Variants in MICAL2 observed in about 807,000 individuals in gnomAD.
MICAL2 encodes the protein microtubule associated monooxygenase, calponin and LIM domain containing 2.
In MICAL2, 77 loss-of-function variants were observed where a neutral mutation model predicts 127.3. That is an observed-to-expected ratio of 0.60 (90% confidence interval 0.50 to 0.73). The LOEUF (loss-of-function observed/expected upper bound fraction) is 0.73, where lower values mean the gene tolerates loss of function less well. Among genes scored for constraint, MICAL2 ranks in the 30% least tolerant of loss-of-function variants. MICAL2 has a pLI of 0.00. For synonymous variants in MICAL2, 570 were observed against 551.1 expected, an observed-to-expected ratio of 1.03 and a Z score of -0.48; for missense variants, 1,351 against 1,434.4, an observed-to-expected ratio of 0.94 and a Z score of 0.94.
upstream of MICAL2, chr11:12,276,069 C>T: frequency 5.0e-6 from 2 of 399,216 alleles, no homozygotes; most frequent in Non-Finnish European, 4.4e-6. Context: ...CTCTCCCCTG[C>T]CCTCCGAGTG....
In MICAL2 at chr11:12,287,273, G is replaced by A. The variant is rs906591536; in HGVS notation, c.*50G>A. ...CCTTACATGGTATCTCTCTGGCATG[G>A]CCTCCTGGTTGTCAGAGGCAAGAAA... On this transcript the variant is annotated 3_prime_UTR_variant, in exon 3 of 3. Coordinates refer to the MICAL2 transcript ENST00000529028. 3 of 396,626 alleles carry A rather than the reference G, an allele frequency of 7.6e-6. No homozygotes were observed. In the South Asian group the frequency reaches 4.0e-4, roughly 53 times the overall value. 24.6% of individuals were successfully genotyped at this position (396,626 alleles called of 1,614,324 possible).
At chr11:12,142,505 T>C (rs953982260) in intron 2 of MICAL2, among the ~76,000 whole-genome samples, 5 of 152,194 alleles carry the variant, frequency 3.3e-5, no homozygotes, top group African/African-American at 1.2e-4. Flanking sequence ...AGGGCATGGA[T>C]TACACTGTTG....
At chr11:12,341,017 A>G (rs1437897737) in intron 32 of MICAL2, among the ~76,000 whole-genome samples, 2 of 152,294 alleles carry the variant, frequency 1.3e-5, no homozygotes, top group Middle Eastern at 3.4e-3. Flanking sequence ...CTGGATTATC[A>G]TCATTCTGTG....
exon 32 of MICAL2, chr11:12,327,181 G>A (rs1363547943): frequency 6.4e-7 from 1 of 1,551,748 alleles, no homozygotes; most frequent in Non-Finnish European, 8.7e-7. Flanking sequence ...AGGCCATCCA[G>A]AGGCAGCTGG....
intron 24 of MICAL2, among the ~76,000 whole-genome samples, chr11:12,270,742 G>A (rs1287424439): frequency 1.3e-5 from 2 of 152,292 alleles, no homozygotes; most frequent in East Asian, 1.9e-4. Context: ...GCCAGAGATG[G>A]CTCTGGCCAT....
At chr11:12,346,110 C>T (rs967866706) in intron 32 of MICAL2, among the ~76,000 whole-genome samples, 4 of 152,202 alleles carry the variant, frequency 2.6e-5, no homozygotes, top group Non-Finnish European at 5.9e-5. Context: ...ACTTAAAGTA[C>T]ACAGCCCTGC....
intron 2 of MICAL2, among the ~76,000 whole-genome samples, chr11:12,141,819 TAGC>T (rs1196954685): frequency 6.6e-6 from 1 of 152,182 alleles, no homozygotes; most frequent in African/African-American, 2.4e-5. Context: ...ATAAAGGGAA[TAGC>T]ATTGGTAGAA....
chr11:12,186,338 T>C (rs932285676), intron 3 of MICAL2, among the ~76,000 whole-genome samples: 4 of 152,156 alleles, frequency 2.6e-5, no homozygotes, highest in African/African-American at 4.8e-5. Context: ...CCTTAGACCC[T>C]TTAAAAGTAG....
chr11:12,292,392 A>T (rs1863917084), downstream of MICAL2: 6 of 1,399,572 alleles, frequency 4.3e-6, no homozygotes, highest in Admixed American at 9.0e-5. Context: ...CCACGTGCTC[A>T]TAGGTCAACC....
At chr11:12,306,854 A>G (rs770979312) in intron 29 of MICAL2, among the ~76,000 whole-genome samples, 2 of 152,172 alleles carry the variant, frequency 1.3e-5, no homozygotes, top group African/African-American at 4.8e-5. Context: ...TTGTTTATCC[A>G]TTTACCAGTT....
At chr11:12,360,111 T>A (rs1939185427), downstream of MICAL2, among the ~76,000 whole-genome samples, 4 of 17,358 alleles carry the variant, frequency 2.3e-4, no homozygotes. Context: ...TTCCTTCCTT[T>A]TTTTTTTTAA....
chr11:12,251,439 C>G (rs1861533787), intron 22 of MICAL2, among the ~76,000 whole-genome samples: 1 of 151,966 alleles, frequency 6.6e-6, no homozygotes, highest in African/African-American at 2.4e-5. Context: ...GACAAGTTCT[C>G]CATCACCTTA....
intron 30 of MICAL2, among the ~76,000 whole-genome samples, chr11:12,322,876 T>C (rs1864314864): frequency 6.6e-6 from 1 of 152,236 alleles, no homozygotes; most frequent in African/African-American, 2.4e-5. Context: ...TTTCAGGTAT[T>C]CTACAAAAGG....
intron 1 of MICAL2, among the ~76,000 whole-genome samples, chr11:12,124,214 G>A (rs1850729164): frequency 6.6e-6 from 1 of 152,108 alleles, no homozygotes; most frequent in South Asian, 2.1e-4. Flanking sequence ...ATTTAAGTAT[G>A]CCTTCCACAG....
At chr11:12,201,677 A>G (rs1379131508) in intron 3 of MICAL2, among the ~76,000 whole-genome samples, 1 of 152,186 alleles carries the variant, frequency 6.6e-6, no homozygotes, top group Non-Finnish European at 1.5e-5. Flanking sequence ...ATCCTAGGTC[A>G]TTGTGGGGAA....
chr11:12,325,696 T>C (rs1013873691), intron 31 of MICAL2, among the ~76,000 whole-genome samples: 1 of 152,114 alleles, frequency 6.6e-6, no homozygotes, highest in Admixed American at 6.5e-5. Flanking sequence ...ATCAGCTGCA[T>C]TGGATTAGGG....
At chr11:12,293,250 G>A (rs531948870), downstream of MICAL2, among the ~76,000 whole-genome samples, 2 of 152,200 alleles carry the variant, frequency 1.3e-5, no homozygotes, top group African/African-American at 4.8e-5. Context: ...TCATGGGCCC[G>A]GGAGCTTATC....
At chr11:12,175,693 A>G (rs572485178) in intron 3 of MICAL2, among the ~76,000 whole-genome samples, 1 of 152,102 alleles carries the variant, frequency 6.6e-6, no homozygotes, top group South Asian at 2.1e-4. Flanking sequence ...TGTCCTGGGA[A>G]GGCTTCTAGA....
chr11:12,343,522 T>C (rs1269778556), intron 32 of MICAL2, among the ~76,000 whole-genome samples: 2 of 151,552 alleles, frequency 1.3e-5, no homozygotes, highest in Non-Finnish European at 2.9e-5. Flanking sequence ...TCAAGGGGAA[T>C]CAGTGTGGCA....
Sources: allele counts gnomAD v4.1 joint callset (sites outside exome capture counted in the v4.1 genomes callset), GRCh38; gene constraint gnomAD v4.1.1; transcripts MANE v1.5; gene names NCBI Gene and HGNC (gene_info 2026-07-23, HGNC 2026-07-21).